KLHL1: variants seen among roughly 807,000 people sequenced by gnomAD.
The protein encoded by KLHL1 is kelch-like protein 1.
KLHL1 carries 47 observed loss-of-function variants against 77.7 expected under a neutral mutation model. The observed-to-expected ratio is 0.60, with a 90% CI of 0.48 to 0.77. The LOEUF (loss-of-function observed/expected upper bound fraction) is 0.77, where lower values mean the gene tolerates loss of function less well. Among genes scored for constraint, KLHL1 ranks in the 30% least tolerant of loss-of-function variants. The pLI, the probability that KLHL1 is intolerant of heterozygous loss-of-function variation, is 0.00. For synonymous variants in KLHL1, 360 were observed against 325.2 expected, an observed-to-expected ratio of 1.11 and a Z score of -1.15; for missense variants, 925 against 910.8, an observed-to-expected ratio of 1.02 and a Z score of -0.20.
chr13:69,888,490 G>A (rs1351021276), intron 4 of KLHL1, among the ~76,000 whole-genome samples: 6 of 152,050 alleles, frequency 3.9e-5, no homozygotes, highest in African/African-American at 1.2e-4. Context: ...CAGATACACC[G>A]TGAATAGAAC....
intron 1 of KLHL1, among the ~76,000 whole-genome samples, chr13:70,100,142 C>T (rs1845344066): frequency 6.6e-6 from 1 of 151,964 alleles, no homozygotes; most frequent in Non-Finnish European, 1.5e-5. Flanking sequence ...GAATTAACCA[C>T]ATTAGTAGTG....
At chr13:69,929,753 C>A (rs1882938720) in intron 4 of KLHL1, among the ~76,000 whole-genome samples, 1 of 151,720 alleles carries the variant, frequency 6.6e-6, no homozygotes, top group Non-Finnish European at 1.5e-5. Context: ...GTTAAAACAG[C>A]AATGGCCACA....
At chr13:69,924,399 C>T (rs934327516) in intron 4 of KLHL1, among the ~76,000 whole-genome samples, 8 of 152,122 alleles carry the variant, frequency 5.3e-5, no homozygotes, top group Non-Finnish European at 5.9e-5. Flanking sequence ...TAAAACCCCC[C>T]AGACTCAGCC....
At chr13:69,972,762 A>G (rs941786876) in intron 2 of KLHL1, among the ~76,000 whole-genome samples, 1 of 151,918 alleles carries the variant, frequency 6.6e-6, no homozygotes, top group African/African-American at 2.4e-5. Flanking sequence ...AAACTTTCAC[A>G]AGCTCAATCA....
intron 7 of KLHL1, among the ~76,000 whole-genome samples, chr13:69,791,951 T>C (rs1876892390): frequency 6.6e-6 from 1 of 152,176 alleles, no homozygotes; most frequent in Non-Finnish European, 1.5e-5. Context: ...ATAACTTCTG[T>C]GCTTCCAAAG....
intron 7 of KLHL1, among the ~76,000 whole-genome samples, chr13:69,784,930 C>CCCAGGCT (rs1187156497): frequency 7.5e-6 from 1 of 133,452 alleles, no homozygotes; most frequent in Non-Finnish European, 1.6e-5. Flanking sequence ...CGCTCTGTCG[C>CCCAGGCT]CCAGGCTGGA....
At chr13:70,098,103 C>T (rs1241481472) in intron 1 of KLHL1, among the ~76,000 whole-genome samples, 1 of 151,752 alleles carries the variant, frequency 6.6e-6, no homozygotes, top group African/African-American at 2.4e-5. Context: ...GTTTCATTAA[C>T]TCTGGTATTA....
chr13:70,093,336 A>G (rs1887713408), intron 1 of KLHL1, among the ~76,000 whole-genome samples: 1 of 152,120 alleles, frequency 6.6e-6, no homozygotes, highest in African/African-American at 2.4e-5. Context: ...TCTGATACAT[A>G]CCTTCAAAGA....
intron 1 of KLHL1, among the ~76,000 whole-genome samples, chr13:69,988,509 T>C (rs117487473): frequency 2.5e-4 from 38 of 152,160 alleles, no homozygotes; most frequent in Non-Finnish European, 4.4e-4. Context: ...TGAATGTTAG[T>C]TCAGTTTTTA....
At chr13:69,880,745 G>A (rs1188844509) in intron 5 of KLHL1, among the ~76,000 whole-genome samples, 1 of 152,102 alleles carries the variant, frequency 6.6e-6, no homozygotes, top group African/African-American at 2.4e-5. Flanking sequence ...ATCCTGAGAA[G>A]AGGAATCTGG....
At chr13:70,042,037 C>T (rs777565270) in intron 1 of KLHL1, among the ~76,000 whole-genome samples, 1 of 152,120 alleles carries the variant, frequency 6.6e-6, no homozygotes, top group East Asian at 1.9e-4. Context: ...TAGACTTTCT[C>T]ATTTCTAGTC....
At chr13:69,784,376 A>T (rs191116924) in intron 7 of KLHL1, among the ~76,000 whole-genome samples, 173 of 152,340 alleles carry the variant, frequency 1.1e-3, no homozygotes, top group African/African-American at 3.9e-3. Context: ...TCCAATTAAA[A>T]GACACAGACT....
chr13:70,012,106 C>T (rs1021536767), intron 1 of KLHL1, among the ~76,000 whole-genome samples: 2 of 152,084 alleles, frequency 1.3e-5, no homozygotes, highest in African/African-American at 2.4e-5. Flanking sequence ...CATTATCTCC[C>T]ATCGAGTCCC....
intron 5 of KLHL1, among the ~76,000 whole-genome samples, chr13:69,864,614 T>A (rs1375790682): frequency 6.6e-6 from 1 of 152,140 alleles, no homozygotes; most frequent in Non-Finnish European, 1.5e-5. Flanking sequence ...TTCAAAAAAA[T>A]TCCATACTCA....
intron 1 of KLHL1, among the ~76,000 whole-genome samples, chr13:69,981,056 C>A (rs2055510597): frequency 6.6e-6 from 1 of 152,072 alleles, no homozygotes; most frequent in Admixed American, 6.6e-5. Context: ...GAATGCCTGG[C>A]ACACAGATTT....
chr13:69,756,195 A>G (rs1273599392), intron 7 of KLHL1, among the ~76,000 whole-genome samples: 1 of 152,142 alleles, frequency 6.6e-6, no homozygotes, highest in Non-Finnish European at 1.5e-5. Context: ...CCCTTACTCC[A>G]AGACCATAAT....
intron 1 of KLHL1, among the ~76,000 whole-genome samples, chr13:70,028,345 G>T (rs1413963724): frequency 6.6e-6 from 1 of 152,126 alleles, no homozygotes; most frequent in Admixed American, 6.5e-5. Context: ...TTATAATTCA[G>T]TATATATATA....
intron 10 of KLHL1, among the ~76,000 whole-genome samples, chr13:69,707,366 T>C (rs1875670451): frequency 6.6e-6 from 1 of 152,014 alleles, no homozygotes; most frequent in African/African-American, 2.4e-5. Flanking sequence ...ATTCAGATTC[T>C]GTTTCTTGTT....
At chr13:69,716,227 T>C (rs950070543) in intron 9 of KLHL1, among the ~76,000 whole-genome samples, 8 of 152,290 alleles carry the variant, frequency 5.3e-5, no homozygotes, top group African/African-American at 1.2e-4. Flanking sequence ...TATTTACAGT[T>C]TATCTCAAGA....
Sources: allele counts gnomAD v4.1 joint callset (sites outside exome capture counted in the v4.1 genomes callset), GRCh38; gene constraint gnomAD v4.1.1; transcripts MANE v1.5; gene names NCBI Gene and HGNC (gene_info 2026-07-23, HGNC 2026-07-21).